GLCCI1: variants seen among roughly 807,000 people sequenced by gnomAD.
The protein encoded by GLCCI1 is glucocorticoid-induced transcript 1 protein.
GLCCI1 carries 24 observed loss-of-function variants against 52.2 expected under a neutral mutation model. The ratio of observed to expected loss-of-function variants is 0.46; its 90% CI spans 0.33 to 0.65. GLCCI1 has a LOEUF of 0.65. Ranked by LOEUF, GLCCI1 falls within the 30% of genes least tolerant of loss-of-function variation. The pLI is 0.02. For missense variants in GLCCI1, 704 were observed against 701.5 expected, an observed-to-expected ratio of 1.00 and a Z score of -0.04; for synonymous variants, 310 against 276.5, an observed-to-expected ratio of 1.12 and a Z score of -1.20.
chr7:8,057,773 T>G (rs984331444), intron 4 of GLCCI1, among the ~76,000 whole-genome samples: 1 of 152,162 alleles, frequency 6.6e-6, no homozygotes, highest in African/African-American at 2.4e-5. Context: ...TCAGGCAGTT[T>G]TTCTCTAGGA....
intron 1 of GLCCI1, among the ~76,000 whole-genome samples, chr7:7,985,307 A>G (rs187166527): frequency 6.6e-6 from 1 of 152,252 alleles, no homozygotes; most frequent in East Asian, 1.9e-4. Flanking sequence ...TGCGCACCCT[A>G]AAGTTCACAT....
intron 1 of GLCCI1, among the ~76,000 whole-genome samples, chr7:7,979,325 A>G (rs1426818522): frequency 6.6e-6 from 1 of 152,068 alleles, no homozygotes; most frequent in Non-Finnish European, 1.5e-5. Context: ...TTATCTTTTT[A>G]GGTAACAAAT....
At chr7:7,976,414 G>C (rs998285487) in intron 1 of GLCCI1, among the ~76,000 whole-genome samples, 3 of 133,792 alleles carry the variant, frequency 2.2e-5, no homozygotes, top group African/African-American at 8.4e-5. Flanking sequence ...GGGAGGTGGA[G>C]GTTGCAGTGA....
At chr7:7,970,334 CA>C (rs1489070722) in intron 1 of GLCCI1, 3 of 152,030 alleles carry the variant, frequency 2.0e-5, no homozygotes, top group African/African-American at 4.8e-5. Flanking sequence ...TTTGAATGTA[CA>C]ATTGAAGTGT....
chr7:8,007,663 G>A (rs1010026843), intron 2 of GLCCI1, among the ~76,000 whole-genome samples: 8 of 152,202 alleles, frequency 5.3e-5, no homozygotes, highest in Non-Finnish European at 1.0e-4. Flanking sequence ...TTATGTAGTG[G>A]ACATTGGTGG....
At chr7:7,973,247 T>C (rs1013969838) in intron 1 of GLCCI1, among the ~76,000 whole-genome samples, 3 of 152,194 alleles carry the variant, frequency 2.0e-5, no homozygotes. Flanking sequence ...ATGTTAGTGT[T>C]AAAATTAATG....
At chr7:8,020,919 G>A (rs1781471075) in intron 2 of GLCCI1, among the ~76,000 whole-genome samples, 1 of 152,052 alleles carries the variant, frequency 6.6e-6, no homozygotes, top group Admixed American at 6.5e-5. Context: ...ATCTTATCTA[G>A]GACGGAACAT....
chr7:7,981,272 C>CT (rs752780460), intron 1 of GLCCI1: 2 of 246,342 alleles, frequency 8.1e-6, no homozygotes, highest in Admixed American at 6.1e-5. Context: ...TTTTTTCTTT[C>CT]TTTCTTTCTT....
In GLCCI1 at chr7:8,088,570, AG is replaced by A. The variant is rs1250384816; in HGVS notation, c.*2033del. ...TTACTAGTTCCGTAAGATAAATATG[AG>A]CTCCATTTGACTTCTGATGTCTGGT... is the stretch of plus-strand genomic sequence containing the variant. On this transcript the variant is annotated 3_prime_UTR_variant, in exon 8 of 8. Transcript: ENST00000223145. 1 of 152,640 alleles carries A rather than the reference AG, an allele frequency of 6.6e-6. No homozygotes were observed. Among genetic ancestry groups the A allele is most frequent in the Non-Finnish European group, 1.5e-5 (1 of 68,038 alleles). The allele number at this position is 152,640 out of a possible 1,614,324, so 9.5% of individuals were successfully genotyped here.
At chr7:8,037,370 G>A (rs1437630822) in intron 3 of GLCCI1, among the ~76,000 whole-genome samples, 1 of 152,102 alleles carries the variant, frequency 6.6e-6, no homozygotes, top group African/African-American at 2.4e-5. Flanking sequence ...CCACTAGACT[G>A]GTCCTACAAG....
At position 8,071,071 on chromosome 7, in the gene GLCCI1, C is replaced by A. The variant is rs1782751309; in HGVS notation, c.1117C>A (p.Pro373Thr). 6.2e-7 allele frequency: 1 copy of A among 1,614,090 alleles called. No individual in the cohort carries two copies. The highest frequency in any genetic ancestry group is 1.3e-5 in the African/African-American group (1 of 74,940). Residue 373 changes from proline to threonine, a missense_variant, in exon 6 of 8, where the codon CCG becomes ACG. Physicochemically the swap from Pro to Thr is conservative, Grantham distance 38. Around this residue, in one of 3 missense-constraint regions of GLCCI1, gnomAD observed 547 missense variants for 524.8 expected, o/e 1.04. Coordinates refer to ENST00000223145, the MANE Select transcript of GLCCI1 (RefSeq NM_138426.4). ...HSPCVSPFCP[P>T]ESQDGSPCST... Reference sequence around the variant, plus strand: ...ACCCTGTGTCTCCCCTTTTTGTCCCCCGGAATCCCAGGATGGTAGCCCTTG... The same window carrying A: ...ACCCTGTGTCTCCCCTTTTTGTCCCACGGAATCCCAGGATGGTAGCCCTTG...
At chr7:8,032,163 A>T (rs565462568) in intron 3 of GLCCI1, among the ~76,000 whole-genome samples, 6 of 152,178 alleles carry the variant, frequency 3.9e-5, no homozygotes, top group Non-Finnish European at 7.4e-5. Flanking sequence ...ATATTTGACA[A>T]TTAAGGAACA....
At chr7:7,982,821 G>A (rs950002536) in intron 1 of GLCCI1, among the ~76,000 whole-genome samples, 2 of 152,120 alleles carry the variant, frequency 1.3e-5, no homozygotes, top group Non-Finnish European at 2.9e-5. Context: ...TTCTGTTGAT[G>A]TACATTTGAG....
intron 2 of GLCCI1, among the ~76,000 whole-genome samples, chr7:8,019,705 A>G (rs1265635369): frequency 1.3e-5 from 2 of 152,228 alleles, no homozygotes; most frequent in African/African-American, 2.4e-5. Flanking sequence ...CTCTTAGGCT[A>G]CAAAACTGTA....
chr7:8,049,639 A>C (rs1389234001), intron 3 of GLCCI1, among the ~76,000 whole-genome samples: 4 of 152,222 alleles, frequency 2.6e-5, no homozygotes, highest in Non-Finnish European at 5.9e-5. Context: ...TCGCTTCATT[A>C]AATTTTTGTT....
intron 6 of GLCCI1, among the ~76,000 whole-genome samples, chr7:8,077,731 A>G (rs1782904017): frequency 6.6e-6 from 1 of 152,166 alleles, no homozygotes; most frequent in Non-Finnish European, 1.5e-5. Context: ...AAATTAAGTA[A>G]CCTAGCTAAT....
chr7:8,040,467 G>A (rs138975822), intron 3 of GLCCI1, among the ~76,000 whole-genome samples: 2,027 of 151,630 alleles, frequency 0.013, 42 homozygotes, highest in African/African-American at 0.047. Context: ...TCCAGCCTGG[G>A]TGGCAGAGCA....
chr7:8,029,919 G>A (rs1781708811), intron 3 of GLCCI1, among the ~76,000 whole-genome samples: 1 of 151,932 alleles, frequency 6.6e-6, no homozygotes, highest in Non-Finnish European at 1.5e-5. Flanking sequence ...AAAAATGGAA[G>A]GATACTTCAT....
rs555130257 is a variant in GLCCI1 at position 8,033,369 on chromosome 7, C to G, written c.696+10800C>G. Among the ~76,000 whole-genome samples, 16 of 152,200 alleles carry G rather than the reference C, an allele frequency of 1.1e-4. No individual in the cohort carries two copies. The South Asian group carries it at 2.3e-3, about 22-fold the overall frequency. ...AAGGATGTCCACTGTCATCTTGTCA[C>G]CACTTTTATTCATTACTGTACAGGA... On this transcript the variant is annotated intron_variant, in intron 3 of 7. Coordinates refer to ENST00000223145, the MANE Select transcript of GLCCI1 (RefSeq NM_138426.4).
Sources: gnomAD v4.1 joint callset for allele counts (sites outside exome capture counted in the v4.1 genomes callset) on GRCh38, gnomAD v4.1.1 for gene constraint, gnomAD v4.1.1 regional missense constraint, MANE v1.5 for transcripts, NCBI Gene and HGNC (gene_info 2026-07-23, HGNC 2026-07-21) for gene names.